Variants in FHIT observed in about 807,000 individuals in gnomAD.
FHIT encodes the protein bis(5'-adenosyl)-triphosphatase.
A neutral mutation model predicts 17.9 loss-of-function variants in FHIT; 19 were observed. The ratio of observed to expected loss-of-function variants is 1.06; its 90% CI spans 0.74 to 1.56. The LOEUF (loss-of-function observed/expected upper bound fraction) is 1.56, where lower values mean the gene tolerates loss of function less well. Among genes scored for constraint, FHIT ranks in the 40% most tolerant of loss-of-function variants. The pLI is 0.00. For synonymous variants in FHIT, 81 were observed against 69.7 expected (o/e 1.16, Z -0.81); for missense variants, 248 against 189.2 (o/e 1.31, Z -1.82).
intron 8 of FHIT, among the ~76,000 whole-genome samples, chr3:59,904,019 A>G (rs1202378445): frequency 6.6e-6 from 1 of 152,136 alleles, no homozygotes; most frequent in Non-Finnish European, 1.5e-5. Flanking sequence ...AAGAAAGATA[A>G]TAAGAATGGA....
At chr3:60,764,851 T>C (rs1699794586) in intron 4 of FHIT, among the ~76,000 whole-genome samples, 1 of 151,968 alleles carries the variant, frequency 6.6e-6, no homozygotes, top group South Asian at 2.1e-4. Flanking sequence ...CAAGATCATA[T>C]TCTTAACCTG....
At chr3:60,251,661 T>G (rs1392056321) in intron 5 of FHIT, among the ~76,000 whole-genome samples, 1 of 152,312 alleles carries the variant, frequency 6.6e-6, no homozygotes, top group South Asian at 2.1e-4. Context: ...AAACCATCCT[T>G]GACCCAGTAC....
chr3:59,748,682 T>C lies in FHIT; in HGVS notation c.*903A>G, dbSNP rs1297914876. 4.0e-5 allele frequency among the ~76,000 whole-genome samples: 6 copies of C among 151,816 alleles called. No individual in the cohort carries two copies. Among genetic ancestry groups the C allele is most frequent in the African/African-American group, 1.5e-4 (6 of 41,346 alleles). ...AGGGAGAAGGAAGTGGCTAGAGAGGTGAGCTCTTTTAGCAAGGAGGGCAGT... is the reference window on the plus strand; with the variant it reads ...AGGGAGAAGGAAGTGGCTAGAGAGGCGAGCTCTTTTAGCAAGGAGGGCAGT... On this transcript the variant is annotated 3_prime_UTR_variant, in exon 10 of 10. Coordinates refer to ENST00000492590, the MANE Select transcript of FHIT (RefSeq NM_002012.4).
chr3:60,511,042 G>A (rs1228589104), intron 5 of FHIT, among the ~76,000 whole-genome samples: 6 of 152,070 alleles, frequency 3.9e-5, no homozygotes, highest in South Asian at 2.1e-4. Flanking sequence ...TATTAAAAAC[G>A]TAAAACACAT....
At chr3:60,898,355 C>T (rs1705936836) in intron 3 of FHIT, among the ~76,000 whole-genome samples, 1 of 152,116 alleles carries the variant, frequency 6.6e-6, no homozygotes, top group African/African-American at 2.4e-5. Context: ...TGTTCAAATG[C>T]TTCTTTAAGA....
intron 4 of FHIT, among the ~76,000 whole-genome samples, chr3:60,579,541 C>T (rs1373875522): frequency 1.3e-5 from 2 of 152,120 alleles, no homozygotes; most frequent in African/African-American, 2.4e-5. Context: ...TAATGCTTAA[C>T]ATGAGTATGG....
At chr3:60,244,133 G>A (rs1705271891) in intron 5 of FHIT, among the ~76,000 whole-genome samples, 1 of 151,930 alleles carries the variant, frequency 6.6e-6, no homozygotes, top group South Asian at 2.1e-4. Context: ...CAATTCTCAG[G>A]CAGTTTAGGT....
chr3:61,050,216 G>C (rs1230423883), intron 2 of FHIT, among the ~76,000 whole-genome samples: 1 of 151,980 alleles, frequency 6.6e-6, no homozygotes, highest in African/African-American at 2.4e-5. Context: ...GGGAATAAAA[G>C]GTATTTCTTT....
At chr3:60,942,620 G>T (rs1708466909) in intron 3 of FHIT, among the ~76,000 whole-genome samples, 1 of 151,976 alleles carries the variant, frequency 6.6e-6, no homozygotes, top group African/African-American at 2.4e-5. Context: ...TGACAAGTGA[G>T]AATGTGCTGT....
intron 8 of FHIT, among the ~76,000 whole-genome samples, chr3:59,909,327 C>T (rs933225244): frequency 2.0e-5 from 3 of 151,212 alleles, no homozygotes; most frequent in Admixed American, 6.6e-5. Context: ...CCACTGCGCC[C>T]GGCCCTACTT....
At chr3:60,555,448 G>A (rs990414523) in intron 4 of FHIT, among the ~76,000 whole-genome samples, 2 of 152,086 alleles carry the variant, frequency 1.3e-5, no homozygotes, top group Non-Finnish European at 2.9e-5. Context: ...CACCATCATG[G>A]GTTTTACAGA....
chr3:60,363,323 T>C (rs1249179399), intron 5 of FHIT, among the ~76,000 whole-genome samples: 2 of 152,172 alleles, frequency 1.3e-5, no homozygotes, highest in Non-Finnish European at 2.9e-5. Context: ...TAATTTTGCT[T>C]GATCTTTGTG....
At chr3:61,085,615 A>C in intron 2 of FHIT, among the ~76,000 whole-genome samples, 1 of 152,056 alleles carries the variant, frequency 6.6e-6, no homozygotes, top group East Asian at 1.9e-4. Flanking sequence ...TCACGTTTTA[A>C]AATGTTATGA....
intron 3 of FHIT, among the ~76,000 whole-genome samples, chr3:61,040,941 G>A (rs1319291790): frequency 6.6e-6 from 1 of 152,114 alleles, no homozygotes; most frequent in Non-Finnish European, 1.5e-5. Flanking sequence ...GCAGAGATGG[G>A]GCTTCTTATC....
At chr3:60,941,064 CAATATGTAA>C (rs1553774410) in intron 3 of FHIT, among the ~76,000 whole-genome samples, 52 of 152,192 alleles carry the variant, frequency 3.4e-4, no homozygotes, top group African/African-American at 1.2e-3. Context: ...AACCTTATTT[CAATATGTAA>C]TCAGTATACA....
intron 5 of FHIT, among the ~76,000 whole-genome samples, chr3:60,324,316 T>G (rs949420609): frequency 8.3e-6 from 1 of 119,978 alleles, no homozygotes; most frequent in Admixed American, 8.7e-5. Flanking sequence ...CCGGGCGCGA[T>G]GGCTCACGCC....
chr3:60,663,869 T>G (rs782650248), intron 4 of FHIT, among the ~76,000 whole-genome samples: 9 of 152,240 alleles, frequency 5.9e-5, no homozygotes, highest in Non-Finnish European at 1.0e-4. Flanking sequence ...GCACCCTTGC[T>G]GAACTCACTT....
At chr3:60,724,973 G>A (rs184847828) in intron 4 of FHIT, among the ~76,000 whole-genome samples, 50 of 152,054 alleles carry the variant, frequency 3.3e-4, no homozygotes, top group South Asian at 8.3e-4. Flanking sequence ...GCTAATAACC[G>A]TCTTAGTGGG....
At chr3:60,806,286 C>G (rs1174516907) in intron 4 of FHIT, among the ~76,000 whole-genome samples, 3 of 152,208 alleles carry the variant, frequency 2.0e-5, no homozygotes, top group Non-Finnish European at 1.5e-5. Context: ...AAGCCATTGC[C>G]TCTCCCAAGA....
Sources: allele counts gnomAD v4.1 joint callset (sites outside exome capture counted in the v4.1 genomes callset), GRCh38; gene constraint gnomAD v4.1.1; transcripts MANE v1.5; gene names NCBI Gene and HGNC (gene_info 2026-07-23, HGNC 2026-07-21).